Variants in SMIM36 observed in about 807,000 individuals in gnomAD.
SMIM36 encodes small integral membrane protein 36.
At chr17:55,468,320 G>A (rs1240560529) in intron 3 of SMIM36, 1 of 152,644 alleles carries the variant, frequency 6.6e-6, no homozygotes, top group East Asian at 1.9e-4. Context: ...AATCGGGTAA[G>A]CAGTCTCTTC....
chr17:55,470,249 A>G (rs1288128685), intron 3 of SMIM36, among the ~76,000 whole-genome samples: 1 of 151,876 alleles, frequency 6.6e-6, no homozygotes, highest in Non-Finnish European at 1.5e-5. Flanking sequence ...CTCCTTCCCC[A>G]CCGATCCCAA....
chr17:55,502,461 C>T (rs1305246105), intron 1 of SMIM36, among the ~76,000 whole-genome samples: 1 of 107,364 alleles, frequency 9.3e-6, no homozygotes, highest in South Asian at 3.1e-4. Context: ...CCAGCAGGGG[C>T]ACACTGACAC....
the SMIM36 span, among the ~76,000 whole-genome samples, chr17:55,520,122 A>T: frequency 5.3e-4 from 80 of 152,150 alleles, no homozygotes; most frequent in Non-Finnish European, 7.8e-4. Flanking sequence ...GTATCACTCC[A>T]ATCGTCAAAG....
chr17:55,530,483 G>T, the SMIM36 span, among the ~76,000 whole-genome samples: 3 of 152,220 alleles, frequency 2.0e-5, no homozygotes, highest in African/African-American at 4.8e-5. Flanking sequence ...TGCCCCAGAC[G>T]CAGTTAAAAA....
At chr17:55,519,050 T>A in the SMIM36 span, among the ~76,000 whole-genome samples, 1 of 150,610 alleles carries the variant, frequency 6.6e-6, no homozygotes, top group African/African-American at 2.4e-5. Flanking sequence ...AGAATTTGAG[T>A]GGAGGAAATG....
At chr17:55,454,287 T>C (rs1203027788) in intron 4 of SMIM36, among the ~76,000 whole-genome samples, 5 of 152,214 alleles carry the variant, frequency 3.3e-5, no homozygotes, top group East Asian at 3.9e-4. Flanking sequence ...CAAAATAAGA[T>C]AGGAAAAACT....
chr17:55,516,782 A>G, the SMIM36 span, among the ~76,000 whole-genome samples: 964 of 151,358 alleles, frequency 6.4e-3, 12 homozygotes, highest in African/African-American at 0.022. Flanking sequence ...CTGGTCTCAA[A>G]CTCCTGACCT....
chr17:55,522,223 C>T, the SMIM36 span, among the ~76,000 whole-genome samples: 41 of 152,310 alleles, frequency 2.7e-4, no homozygotes, highest in Middle Eastern at 0.017. Context: ...TGCATAGTAC[C>T]TGTTCTATCT....
At chr17:55,523,594 A>ACT in the SMIM36 span, among the ~76,000 whole-genome samples, 314 of 151,788 alleles carry the variant, frequency 2.1e-3, 7 homozygotes, top group East Asian at 0.046. Context: ...AGCCAAGGAG[A>ACT]GAGGCCTCAG....
At chr17:55,508,204 C>T (rs2144722964) in intron 1 of SMIM36, among the ~76,000 whole-genome samples, 1 of 152,066 alleles carries the variant, frequency 6.6e-6, no homozygotes, top group African/African-American at 2.4e-5. Context: ...AATCTGGTTT[C>T]ATAGCCCAAC....
chr17:55,530,030 C>A, the SMIM36 span, among the ~76,000 whole-genome samples: 3 of 152,140 alleles, frequency 2.0e-5, no homozygotes, highest in African/African-American at 7.2e-5. Flanking sequence ...TAATATTTCA[C>A]CATCAAACTG....
chr17:55,501,987 C>G (rs4641808), intron 1 of SMIM36, among the ~76,000 whole-genome samples: 1 of 148,152 alleles, frequency 6.7e-6, no homozygotes, highest in Non-Finnish European at 1.5e-5. Flanking sequence ...AATCGGGTCA[C>G]TCCCACCCGA....
intron 3 of SMIM36, among the ~76,000 whole-genome samples, chr17:55,477,408 C>A (rs554350386): frequency 2.6e-5 from 4 of 152,204 alleles, no homozygotes; most frequent in African/African-American, 7.2e-5. Flanking sequence ...ACATGGCTGT[C>A]TTCTCCCTGC....
intron 1 of SMIM36, among the ~76,000 whole-genome samples, chr17:55,500,031 TCTC>T (rs1051878287): frequency 1.3e-5 from 2 of 151,896 alleles, no homozygotes; most frequent in African/African-American, 4.8e-5. Flanking sequence ...CTTTTTTTGT[TCTC>T]CTCTTTTTTT....
At chr17:55,464,156 T>G (rs1238790208) in intron 4 of SMIM36, among the ~76,000 whole-genome samples, 3 of 152,134 alleles carry the variant, frequency 2.0e-5, no homozygotes, top group Admixed American at 6.5e-5. Flanking sequence ...GGATGTTAAA[T>G]GACTTTTCAG....
chr17:55,515,795 A>G (rs560081333), upstream of SMIM36, among the ~76,000 whole-genome samples: 6 of 152,344 alleles, frequency 3.9e-5, no homozygotes, highest in African/African-American at 1.4e-4. Flanking sequence ...TGAGAGAATA[A>G]ATTCCATTAT....
At position 55,490,144 on chromosome 17, in the gene SMIM36, C is replaced by T. The variant is rs187105325; in HGVS notation, c.*175-10564G>A. Reference sequence around the variant, plus strand: ...TGCTCGGATTATAGACAGGAGCCACCGCGCCTGGCCATCGATGCGTATTTT... The same window carrying T: ...TGCTCGGATTATAGACAGGAGCCACTGCGCCTGGCCATCGATGCGTATTTT... On this transcript the variant is annotated intron_variant, in intron 1 of 4. Transcript: ENST00000636752. Among the ~76,000 whole-genome samples, 30 of 152,086 alleles carry T rather than the reference C, an allele frequency of 2.0e-4. No individual in the cohort carries two copies. In the East Asian group the frequency reaches 2.7e-3, roughly 14 times the overall value.
chr17:55,465,147 C>T (rs769840358), intron 4 of SMIM36, among the ~76,000 whole-genome samples: 36 of 152,076 alleles, frequency 2.4e-4, no homozygotes, highest in Non-Finnish European at 4.0e-4. Flanking sequence ...ATTCTGAGTA[C>T]GACATTGAAT....
chr17:55,508,426 C>A (rs1223209818), intron 1 of SMIM36, among the ~76,000 whole-genome samples: 1 of 103,538 alleles, frequency 9.7e-6, no homozygotes, highest in Non-Finnish European at 1.8e-5. Context: ...ATATATATTC[C>A]TAGGAATATA....
Sources: gnomAD v4.1 joint callset for allele counts (sites outside exome capture counted in the v4.1 genomes callset) on GRCh38, gnomAD v4.1.1 for gene constraint, MANE v1.5 for transcripts, NCBI Gene and HGNC (gene_info 2026-07-23, HGNC 2026-07-21) for gene names.